AUTS2: variants seen among roughly 807,000 people sequenced by gnomAD.
AUTS2 encodes the protein activator of transcription and developmental regulator AUTS2.
A neutral mutation model predicts 112.4 loss-of-function variants in AUTS2; 17 were observed. The observed-to-expected ratio is 0.15, with a 90% confidence interval of 0.10 to 0.23. The LOEUF (loss-of-function observed/expected upper bound fraction) is 0.23. Ranked by LOEUF, AUTS2 falls within the 10% of genes least tolerant of loss-of-function variation. AUTS2 has a pLI of 1.00. For missense variants in AUTS2, 1,510 were observed against 1,701.6 expected (o/e 0.89, Z 1.98); for synonymous variants, 751 against 702.7 (o/e 1.07, Z -1.09).
At chr7:69,618,790 G>T (rs979479274) in intron 1 of AUTS2, among the ~76,000 whole-genome samples, 1 of 152,132 alleles carries the variant, frequency 6.6e-6, no homozygotes, top group African/African-American at 2.4e-5. Flanking sequence ...TGACTTTACT[G>T]TAATTTTCTT....
In AUTS2 at chr7:70,766,464, A is replaced by G; in HGVS notation, c.1689+130A>G. The G allele has an allele frequency of 8.2e-7, 1 of 1,221,486 alleles. No homozygotes were observed. Among genetic ancestry groups the G allele is most frequent in the South Asian group, 1.4e-5 (1 of 73,708 alleles). 75.7% of individuals were successfully genotyped at this position (1,221,486 alleles called of 1,614,324 possible). ...GGACTGACGGCTGTTGGCTGGAGAGAAGGGAATGTGTCCTAGTGCCCTGCC... is the reference window on the plus strand; with the variant it reads ...GGACTGACGGCTGTTGGCTGGAGAGGAGGGAATGTGTCCTAGTGCCCTGCC... On this transcript the variant is annotated intron_variant, in intron 9 of 18. Transcript: ENST00000342771. This position sits in a 1 kb window ranked among gnomAD's most constrained non-coding sequence, Gnocchi z 4.8.
At chr7:69,922,632 T>C (rs1414926238) in intron 2 of AUTS2, among the ~76,000 whole-genome samples, 1 of 152,228 alleles carries the variant, frequency 6.6e-6, no homozygotes, top group Admixed American at 6.5e-5. Flanking sequence ...AATTTGAGAT[T>C]GTGTGAATTG....
intron 4 of AUTS2, among the ~76,000 whole-genome samples, chr7:70,388,113 T>A (rs147526913): frequency 2.6e-5 from 4 of 152,350 alleles, no homozygotes; most frequent in African/African-American, 9.6e-5. Flanking sequence ...TCTAAAATGA[T>A]GTCCTTTATT....
At chr7:69,928,446 A>G (rs1796107367) in intron 2 of AUTS2, among the ~76,000 whole-genome samples, 1 of 152,136 alleles carries the variant, frequency 6.6e-6, no homozygotes, top group Non-Finnish European at 1.5e-5. Context: ...TGTCCACAGT[A>G]AGGCTGTCTG....
intron 4 of AUTS2, among the ~76,000 whole-genome samples, chr7:70,423,696 C>G (rs1191796747): frequency 6.6e-6 from 1 of 152,028 alleles, no homozygotes; most frequent in Non-Finnish European, 1.5e-5. Context: ...GGTGTCTTTC[C>G]TTTTTGGTTT....
intron 6 of AUTS2, among the ~76,000 whole-genome samples, chr7:70,717,008 T>A (rs1810414375): frequency 1.5e-5 from 1 of 67,402 alleles, no homozygotes; most frequent in Non-Finnish European, 2.8e-5. Context: ...TTTTTTTTTT[T>A]TTTTTTATTA....
At chr7:70,706,386 A>C (rs1009209236) in intron 6 of AUTS2, among the ~76,000 whole-genome samples, 2 of 152,236 alleles carry the variant, frequency 1.3e-5, no homozygotes, top group African/African-American at 2.4e-5. Flanking sequence ...CAAGCCTGCC[A>C]TCAATGGAGT....
At chr7:69,806,679 A>G (rs1790323380) in intron 1 of AUTS2, among the ~76,000 whole-genome samples, 2 of 152,170 alleles carry the variant, frequency 1.3e-5, no homozygotes, top group Non-Finnish European at 2.9e-5. Flanking sequence ...TTGCTAGTTC[A>G]TGAAATTGAG....
chr7:69,881,275 C>T (rs548741578), intron 1 of AUTS2, among the ~76,000 whole-genome samples: 1 of 152,184 alleles, frequency 6.6e-6, no homozygotes, highest in South Asian at 2.1e-4. Context: ...TTTTTTTCCT[C>T]TCCTTTTTCC....
At chr7:70,584,925 C>T (rs1802614143) in intron 5 of AUTS2, among the ~76,000 whole-genome samples, 1 of 152,248 alleles carries the variant, frequency 6.6e-6, no homozygotes, top group Non-Finnish European at 1.5e-5. Context: ...TCTCCTTGAA[C>T]CTCTGCACCC....
chr7:70,608,427 CA>C (rs1289069694), intron 5 of AUTS2, among the ~76,000 whole-genome samples: 1 of 152,144 alleles, frequency 6.6e-6, no homozygotes, highest in Admixed American at 6.5e-5. Context: ...GTTTGACAGA[CA>C]AAAAACTGGC....
At chr7:70,061,928 C>T (rs1802267398) in intron 2 of AUTS2, among the ~76,000 whole-genome samples, 1 of 151,844 alleles carries the variant, frequency 6.6e-6, no homozygotes, top group South Asian at 2.1e-4. Context: ...GCTGAGATTA[C>T]AGGCTCCCGC....
intron 5 of AUTS2, among the ~76,000 whole-genome samples, chr7:70,441,463 A>G (rs1298363444): frequency 6.6e-6 from 1 of 152,092 alleles, no homozygotes; most frequent in Non-Finnish European, 1.5e-5. Context: ...TTAGCTCACT[A>G]CAGCCTCGAA....
chr7:70,104,499 C>T (rs1414588390), intron 2 of AUTS2, among the ~76,000 whole-genome samples: 1 of 152,138 alleles, frequency 6.6e-6, no homozygotes, highest in Non-Finnish European at 1.5e-5. Context: ...AGATCCAAGA[C>T]CTTACTGTGT....
At chr7:70,320,269 C>T (rs375150589) in intron 4 of AUTS2, among the ~76,000 whole-genome samples, 3 of 152,282 alleles carry the variant, frequency 2.0e-5, no homozygotes, top group South Asian at 2.1e-4. Context: ...CTTCATGCCA[C>T]CCCAGTATCA....
chr7:70,695,977 A>T (rs976901367), intron 5 of AUTS2, among the ~76,000 whole-genome samples: 2 of 152,164 alleles, frequency 1.3e-5, no homozygotes, highest in African/African-American at 4.8e-5. Context: ...GAAGAGCTCA[A>T]TTCGTCGGCT....
At chr7:69,674,930 A>G (rs908967315) in intron 1 of AUTS2, among the ~76,000 whole-genome samples, 5 of 152,212 alleles carry the variant, frequency 3.3e-5, no homozygotes, top group East Asian at 1.9e-4. Flanking sequence ...ACAGCATCCT[A>G]TAATTTGGGC....
intron 5 of AUTS2, among the ~76,000 whole-genome samples, chr7:70,565,816 A>G (rs915842212): frequency 3.3e-5 from 5 of 152,232 alleles, no homozygotes; most frequent in African/African-American, 1.2e-4. Context: ...TCCTGAGACT[A>G]TAGACAGAGC....
At chr7:70,372,895 G>C in intron 4 of AUTS2, among the ~76,000 whole-genome samples, 1 of 152,022 alleles carries the variant, frequency 6.6e-6, no homozygotes, top group East Asian at 1.9e-4. Context: ...AGAAGTCATG[G>C]GGGAAGGGCG....
Sources: gnomAD v4.1 joint callset for allele counts (sites outside exome capture counted in the v4.1 genomes callset) on GRCh38, gnomAD v4.1.1 for gene constraint, Gnocchi (gnomAD v3.1) non-coding constraint, MANE v1.5 for transcripts, NCBI Gene and HGNC (gene_info 2026-07-23, HGNC 2026-07-21) for gene names.